TRPM3: variants seen among roughly 807,000 people sequenced by gnomAD.
TRPM3 encodes transient receptor potential cation channel subfamily M member 3, also known as long transient receptor potential channel 3.
Under a neutral mutation model 181.2 loss-of-function variants are expected in TRPM3, and 77 were observed. That is an observed-to-expected ratio of 0.42 (90% CI 0.35 to 0.51). TRPM3 has a LOEUF of 0.51. TRPM3 is among the 20% of genes least tolerant of loss of function. TRPM3 has a pLI of 0.01. For synonymous variants in TRPM3, 745 were observed against 796.4 expected, an observed-to-expected ratio of 0.94 and a Z score of 1.09; for missense variants, 1,759 against 2,196.7, an observed-to-expected ratio of 0.80 and a Z score of 3.98.
intron 9 of TRPM3, among the ~76,000 whole-genome samples, chr9:70,665,706 T>C (rs1004723407): frequency 2.4e-4 from 36 of 152,218 alleles, no homozygotes; most frequent in African/African-American, 8.4e-4. Flanking sequence ...TTCTGCTTAC[T>C]TATGACAAAA....
At chr9:70,813,120 G>T (rs1346594027) in intron 6 of TRPM3, among the ~76,000 whole-genome samples, 1 of 152,062 alleles carries the variant, frequency 6.6e-6, no homozygotes, top group Non-Finnish European at 1.5e-5. Context: ...TTTTACAAGT[G>T]GCTTTCCTAT....
At chr9:71,327,095 T>G (rs1287112169) in intron 1 of TRPM3, among the ~76,000 whole-genome samples, 3 of 152,240 alleles carry the variant, frequency 2.0e-5, no homozygotes, top group African/African-American at 7.2e-5. Context: ...TCCAGATTAG[T>G]TGGTAGGATC....
At chr9:70,894,136 G>A (rs1313356042) in intron 1 of TRPM3, among the ~76,000 whole-genome samples, 4 of 152,144 alleles carry the variant, frequency 2.6e-5, no homozygotes, top group Non-Finnish European at 5.9e-5. Flanking sequence ...ATACCATCAC[G>A]TGCTCCTTGT....
At chr9:70,539,322 C>T (rs1272554275) in intron 25 of TRPM3, among the ~76,000 whole-genome samples, 2 of 152,316 alleles carry the variant, frequency 1.3e-5, no homozygotes, top group East Asian at 1.9e-4. Flanking sequence ...AACCTCCTCT[C>T]CTGCTGGCCA....
At chr9:71,226,651 C>T (rs1478401406) in intron 1 of TRPM3, among the ~76,000 whole-genome samples, 1 of 151,756 alleles carries the variant, frequency 6.6e-6, no homozygotes, top group Non-Finnish European at 1.5e-5. Context: ...TGTGTATATA[C>T]ACATATATAC....
intron 9 of TRPM3, among the ~76,000 whole-genome samples, chr9:70,641,796 A>G (rs112641007): frequency 1.3e-5 from 2 of 152,266 alleles, no homozygotes; most frequent in African/African-American, 4.8e-5. Context: ...CAGCCTGCCA[A>G]GCAGCTGGAG....
chr9:71,132,600 C>A (rs1269902224), intron 1 of TRPM3, among the ~76,000 whole-genome samples: 1 of 152,068 alleles, frequency 6.6e-6, no homozygotes, highest in Admixed American at 6.6e-5. Context: ...ACTCAAAATT[C>A]ATGATTGTTT....
At chr9:71,183,463 G>T (rs2077513313) in intron 1 of TRPM3, among the ~76,000 whole-genome samples, 1 of 152,058 alleles carries the variant, frequency 6.6e-6, no homozygotes, top group African/African-American at 2.4e-5. Flanking sequence ...TTCATTTCCT[G>T]TGTTATTACA....
At position 71,092,531 on chromosome 9, in the gene TRPM3, A is replaced by G. The variant is rs571016298; in HGVS notation, c.177+28647T>C. 3.3e-5 allele frequency among the ~76,000 whole-genome samples: 5 copies of G among 152,178 alleles called. No individual in the cohort carries two copies. The South Asian group carries it at 1.0e-3, about 32-fold the overall frequency. On this transcript the variant is annotated intron_variant, in intron 1 of 25. Coordinates refer to ENST00000677713, the MANE Select transcript of TRPM3 (RefSeq NM_001366145.2). The stretch of plus-strand genomic sequence containing the variant: ...TAAATTGTAAAATTAACTCAATTCG[A>G]AATTTTGGGATCTGGTTAGGAAGGT...
chr9:70,745,135 T>G (rs1471033391), intron 8 of TRPM3, among the ~76,000 whole-genome samples: 1 of 152,164 alleles, frequency 6.6e-6, no homozygotes, highest in Admixed American at 6.6e-5. Context: ...GTGCTTATTG[T>G]TTTTTGCATA....
At chr9:70,818,620 C>T (rs2092906211) in intron 6 of TRPM3, among the ~76,000 whole-genome samples, 1 of 152,118 alleles carries the variant, frequency 6.6e-6, no homozygotes, top group Admixed American at 6.5e-5. Flanking sequence ...TGGGTGCGGC[C>T]GAATTGGAAA....
intron 3 of TRPM3, among the ~76,000 whole-genome samples, chr9:70,860,012 G>A (rs1332871997): frequency 6.6e-6 from 1 of 152,160 alleles, no homozygotes; most frequent in Non-Finnish European, 1.5e-5. Flanking sequence ...GACTTATGCA[G>A]CCTGGCACCC....
intron 1 of TRPM3, among the ~76,000 whole-genome samples, chr9:70,878,960 T>C (rs2095926752): frequency 6.6e-6 from 1 of 152,150 alleles, no homozygotes; most frequent in Non-Finnish European, 1.5e-5. Flanking sequence ...TACAATAACG[T>C]TTCATAATAG....
intron 24 of TRPM3, among the ~76,000 whole-genome samples, chr9:70,550,292 C>T (rs2046159410): frequency 1.3e-5 from 2 of 152,140 alleles, no homozygotes; most frequent in African/African-American, 2.4e-5. Context: ...TTCACCTTCT[C>T]CTCTTTTTCC....
intron 1 of TRPM3, among the ~76,000 whole-genome samples, chr9:70,908,651 T>C (rs895332672): frequency 2.0e-4 from 30 of 152,200 alleles, no homozygotes; most frequent in African/African-American, 7.2e-4. Flanking sequence ...TTAACTTAAA[T>C]CCCAGGGAGA....
intron 1 of TRPM3, among the ~76,000 whole-genome samples, chr9:71,164,098 T>C (rs753886278): frequency 7.2e-5 from 11 of 152,226 alleles, no homozygotes; most frequent in Middle Eastern, 3.4e-3. Context: ...CAAGGGGAGC[T>C]GTACAATTAA....
intron 3 of TRPM3, among the ~76,000 whole-genome samples, chr9:70,852,871 C>T (rs908861843): frequency 2.6e-5 from 4 of 152,180 alleles, no homozygotes. Flanking sequence ...CTATCAAAGG[C>T]CTTTGTTTCA....
intron 1 of TRPM3, among the ~76,000 whole-genome samples, chr9:71,182,306 G>C (rs1319953741): frequency 6.6e-6 from 1 of 152,068 alleles, no homozygotes; most frequent in Non-Finnish European, 1.5e-5. Flanking sequence ...CATATCACTA[G>C]AGATGCACAC....
intron 18 of TRPM3, among the ~76,000 whole-genome samples, chr9:70,612,200 G>GTGTT (rs1332225366): frequency 2.6e-5 from 4 of 152,174 alleles, no homozygotes; most frequent in African/African-American, 9.7e-5. Context: ...GAACAAAAAA[G>GTGTT]TGTTATTAGA....
Sources: gnomAD v4.1 joint callset for allele counts (sites outside exome capture counted in the v4.1 genomes callset) on GRCh38, gnomAD v4.1.1 for gene constraint, MANE v1.5 for transcripts, NCBI Gene and HGNC (gene_info 2026-07-23, HGNC 2026-07-21) for gene names.